The following ADAMTSL1 variants were observed in gnomAD, a reference collection of about 807,000 sequenced individuals.
The protein encoded by ADAMTSL1 is ADAMTS-like protein 1.
ADAMTSL1 carries 126 observed loss-of-function variants against 201.8 expected under a neutral mutation model. The ratio of observed to expected loss-of-function variants is 0.62; its 90% CI spans 0.54 to 0.72. The LOEUF (loss-of-function observed/expected upper bound fraction) is 0.72. ADAMTSL1 is among the 30% of genes least tolerant of loss of function. The pLI is 0.00. For missense variants in ADAMTSL1, 2,679 were observed against 2,277.8 expected (o/e 1.18, Z -3.59); for synonymous variants, 1,121 against 903.4 (o/e 1.24, Z -4.32).
At chr9:18,103,841 T>A (rs1824638942) in intron 1 of ADAMTSL1, among the ~76,000 whole-genome samples, 1 of 152,228 alleles carries the variant, frequency 6.6e-6, no homozygotes, top group Non-Finnish European at 1.5e-5. Context: ...TGTGGAGCAC[T>A]AGACCCATAG....
chr9:17,922,499 A>G (rs746518902), intron 1 of ADAMTSL1, among the ~76,000 whole-genome samples: 2 of 152,098 alleles, frequency 1.3e-5, no homozygotes, highest in Non-Finnish European at 2.9e-5. Context: ...GGGTTTAGGG[A>G]TATGCGTTTA....
At chr9:18,274,293 T>C (rs1832501239) in intron 2 of ADAMTSL1, among the ~76,000 whole-genome samples, 1 of 152,220 alleles carries the variant, frequency 6.6e-6, no homozygotes, top group African/African-American at 2.4e-5. Flanking sequence ...TATTAAGCTT[T>C]GATTAACATA....
chr9:18,705,393 T>C (rs1832174442), intron 13 of ADAMTSL1, among the ~76,000 whole-genome samples: 1 of 152,222 alleles, frequency 6.6e-6, no homozygotes, highest in South Asian at 2.1e-4. Flanking sequence ...CTGGGCTTTT[T>C]TTTCCTAGGC....
At chr9:18,838,395 AC>A (rs750396285) in intron 23 of ADAMTSL1, among the ~76,000 whole-genome samples, 1,982 of 149,158 alleles carry the variant, frequency 0.013, 65 homozygotes, top group African/African-American at 0.046. Context: ...ACACACACAC[AC>A]ACACACGCAA....
chr9:17,952,194 T>C (rs374455220), intron 1 of ADAMTSL1, among the ~76,000 whole-genome samples: 1 of 150,490 alleles, frequency 6.6e-6, no homozygotes, highest in African/African-American at 2.4e-5. Context: ...GCTCAAGCAA[T>C]CCTCCTGCCT....
At chr9:18,375,239 G>A (rs529381757) in intron 2 of ADAMTSL1, among the ~76,000 whole-genome samples, 2 of 152,266 alleles carry the variant, frequency 1.3e-5, no homozygotes, top group Non-Finnish European at 2.9e-5. Context: ...TTATTCTAAG[G>A]CTGTTACATT....
At chr9:18,179,121 A>C (rs577223334) in intron 2 of ADAMTSL1, among the ~76,000 whole-genome samples, 2 of 152,266 alleles carry the variant, frequency 1.3e-5, no homozygotes, top group East Asian at 3.9e-4. Context: ...AGACGTTGAA[A>C]ACTTTGAAAA....
chr9:17,997,042 T>G lies in ADAMTSL1; in HGVS notation c.87+90120T>G, dbSNP rs1259112338. ...CTTGAGTGGGCATTTTGCCCAAAAA[T>G]TGACCCTTTGATAGTGAGCAGTCTC... On this transcript the variant is annotated intron_variant, in intron 1 of 29. Transcript: ENST00000680146. Among the ~76,000 whole-genome samples the G allele has an allele frequency of 3.3e-5, 5 of 152,292 alleles. No individual in the cohort carries two copies. The East Asian group carries it at 9.7e-4, about 29-fold the overall frequency.
intron 1 of ADAMTSL1, among the ~76,000 whole-genome samples, chr9:18,053,320 A>T (rs1385058349): frequency 6.6e-6 from 1 of 152,012 alleles, no homozygotes; most frequent in Non-Finnish European, 1.5e-5. Flanking sequence ...ACCTGTCATT[A>T]CTCATTATAT....
At chr9:18,792,878 T>C (rs530521524) in intron 19 of ADAMTSL1, among the ~76,000 whole-genome samples, 13 of 152,342 alleles carry the variant, frequency 8.5e-5, no homozygotes, top group African/African-American at 2.9e-4. Flanking sequence ...TCTTATTAGC[T>C]TCTTCGAAAT....
chr9:18,200,912 T>C (rs527772910), intron 2 of ADAMTSL1, among the ~76,000 whole-genome samples: 2 of 152,018 alleles, frequency 1.3e-5, no homozygotes, highest in Admixed American at 6.6e-5. Flanking sequence ...GAGATAAACA[T>C]AGTGGCCCTC....
chr9:18,184,003 C>G (rs1203368265), intron 2 of ADAMTSL1, among the ~76,000 whole-genome samples: 1 of 152,166 alleles, frequency 6.6e-6, no homozygotes, highest in African/African-American at 2.4e-5. Context: ...ATAGAATAAA[C>G]TCACCCTGTT....
intron 1 of ADAMTSL1, among the ~76,000 whole-genome samples, chr9:18,003,792 C>T (rs1001654966): frequency 1.3e-5 from 2 of 152,072 alleles, no homozygotes; most frequent in African/African-American, 4.8e-5. Context: ...GCCTTCTGTG[C>T]AGTCCAGCCT....
At position 18,606,698 on chromosome 9, in the gene ADAMTSL1, G is replaced by A. The variant is rs552283598; in HGVS notation, c.475-15545G>A. ...GCAGAGTTTGTTTTACAGGCTTCAC[G>A]AACTCTGTAAAACACCTGACAGGAC... On this transcript the variant is annotated intron_variant, in intron 4 of 28. Transcript: ENST00000380548. 3.0e-4 allele frequency among the ~76,000 whole-genome samples: 45 copies of A among 152,206 alleles called. No homozygotes were observed. In the South Asian group the frequency reaches 8.9e-3, roughly 30 times the overall value.
chr9:18,736,867 T>G (rs1473557394), intron 15 of ADAMTSL1, among the ~76,000 whole-genome samples: 1 of 152,198 alleles, frequency 6.6e-6, no homozygotes, highest in East Asian at 1.9e-4. Flanking sequence ...TTTATGCCAT[T>G]TCCATAACTG....
rs202158947 is a variant in ADAMTSL1, at chr9:18,222,641, ACT to A, written c.207+58663_207+58664del. On this transcript the variant is annotated intron_variant, in intron 2 of 29. Transcript: ENST00000680146. ...AGTATTTGTTTCAATTTACTCATATACTCTTTTTTTTTTTTTTTTTGCCATTC... is the reference window on the plus strand; with the variant it reads ...AGTATTTGTTTCAATTTACTCATATACTTTTTTTTTTTTTTTTTGCCATTC... 4.8e-3 allele frequency among the ~76,000 whole-genome samples: 591 copies of A among 123,618 alleles called. 4 individuals carry two copies. Among genetic ancestry groups the A allele is most frequent in the African/African-American group, 0.017 (560 of 32,158 alleles). The allele number at this position is 123,618 out of a possible 152,430, so 81.1% of individuals were successfully genotyped here. A position where few individuals can be genotyped will look rare whatever the true frequency, so the allele number is the denominator to read the frequency against.
intron 2 of ADAMTSL1, among the ~76,000 whole-genome samples, chr9:18,315,813 A>T (rs1461831176): frequency 1.3e-5 from 2 of 152,212 alleles, no homozygotes; most frequent in Admixed American, 1.3e-4. Context: ...CCTCAAGCAC[A>T]GCCAGAGTGG....
At chr9:18,124,090 T>G (rs1287635609) in intron 1 of ADAMTSL1, among the ~76,000 whole-genome samples, 6 of 145,432 alleles carry the variant, frequency 4.1e-5, no homozygotes, top group Admixed American at 6.9e-5. Context: ...TTTTTTTTTT[T>G]TTTTTTTTTT....
At chr9:17,973,067 C>CAGATGAGTAGCTTACAAAA (rs759796946) in intron 1 of ADAMTSL1, among the ~76,000 whole-genome samples, 1 of 96,910 alleles carries the variant, frequency 1.0e-5, no homozygotes, top group Non-Finnish European at 2.2e-5. Flanking sequence ...GATATTAACC[C>CAGATGAGTAGCTTACAAAA]TTTGTCAGAT....
Sources: gnomAD v4.1 joint callset for allele counts (sites outside exome capture counted in the v4.1 genomes callset) on GRCh38, gnomAD v4.1.1 for gene constraint, MANE v1.5 for transcripts, NCBI Gene and HGNC (gene_info 2026-07-23, HGNC 2026-07-21) for gene names.